Variants in DMBX1 observed in about 807,000 individuals in gnomAD.
DMBX1 encodes diencephalon/mesencephalon homeobox 1.
A neutral mutation model predicts 30.4 loss-of-function variants in DMBX1; 7 were observed. That is an observed-to-expected ratio of 0.23 (90% CI 0.13 to 0.43). The LOEUF is 0.43. DMBX1 is among the 20% of genes least tolerant of loss of function. DMBX1 has a pLI of 1.00. For missense variants in DMBX1, 460 were observed against 508.5 expected (o/e 0.90, Z 0.92); for synonymous variants, 222 against 214.2 (o/e 1.04, Z -0.32).
intron 2 of DMBX1, among the ~76,000 whole-genome samples, chr1:46,504,454 C>G (rs1666193852): frequency 6.6e-6 from 1 of 150,690 alleles, no homozygotes; most frequent in Admixed American, 6.6e-5. Flanking sequence ...TTTCCCAGCA[C>G]CATTTATTAA....
In DMBX1 at chr1:46,515,665, G is replaced by A. The variant is rs565558283; in HGVS notation, c.*3171G>A. Among the ~76,000 whole-genome samples, 5 of 152,334 alleles carry A rather than the reference G, an allele frequency of 3.3e-5. No individual in the cohort carries two copies. In the South Asian group the frequency reaches 8.3e-4, roughly 25 times the overall value. On this transcript the variant is annotated 3_prime_UTR_variant, in exon 6 of 6. Transcript: ENST00000360032. ...GTCTCCTCCAAGCACACTGGTAAGCGGCACCGTGCATCTCCTCTGAGCACG... is the reference window on the plus strand; with the variant it reads ...GTCTCCTCCAAGCACACTGGTAAGCAGCACCGTGCATCTCCTCTGAGCACG...
In DMBX1 at chr1:46,510,399, C is replaced by T; in HGVS notation, c.155-77C>T. ...CCTGGGTGTCCACAGTGGGTCAGAG[C>T]AGGATAAGATTCAAAGCTATTTCCC... is the stretch of plus-strand genomic sequence containing the variant. On this transcript the variant is annotated intron_variant, in intron 3 of 5. Transcript: ENST00000360032. The surrounding 1 kb of genome is among the most constrained non-coding windows in gnomAD (Gnocchi z 4.1). 1 of 1,522,726 alleles carries T rather than the reference C, an allele frequency of 6.6e-7. No homozygotes were observed. The highest frequency in any genetic ancestry group is 1.4e-5 in the African/African-American group (1 of 73,496). 94.3% of individuals were successfully genotyped at this position (1,522,726 alleles called of 1,614,324 possible). A position where few individuals can be genotyped will look rare whatever the true frequency, so the allele number is the denominator to read the frequency against.
chr1:46,507,267 A>G, intron 3 of DMBX1, 103 bp downstream of exon 3: 12 of 1,449,208 alleles, frequency 8.3e-6, no homozygotes, highest in South Asian at 1.4e-5. Flanking sequence ...AGCTTGTTCT[A>G]GGGGGCTCAA....
At position 46,511,033 on chromosome 1, in the gene DMBX1, G is replaced by A. The variant is rs764593566; in HGVS notation, c.432G>A (p.Gly144=). ...AGAAGGAGGCTGAGGGCTCCCATGG[G>A]GAAGGCAAGGCCGAGGCCCCCACTC... ...QKQKEAEGSH[G]EGKAEAPTPD... The change falls in exon 5 of 6, where the codon GGG becomes GGA. Residue 144 remains glycine, a synonymous_variant. Transcript: ENST00000360032. The A allele has an allele frequency of 3.7e-6, 6 of 1,614,092 alleles. No individual in the cohort carries two copies. The highest frequency in any genetic ancestry group is 2.2e-5 in the East Asian group (1 of 44,880).
rs1047530061 is a variant in DMBX1 at position 46,491,051 on chromosome 1, G to A, written c.-13+268G>A. Among the ~76,000 whole-genome samples the A allele has an allele frequency of 1.3e-5, 2 of 152,230 alleles. No homozygotes were observed. Among genetic ancestry groups the A allele is most frequent in the African/African-American group, 2.4e-5 (1 of 41,456 alleles). ...GCCCTGATGGACTGTGCAGGGTCCC[G>A]GGCACCACCGGCTGAACTTTCTGGC... On this transcript the variant is annotated intron_variant, in intron 2 of 5. Transcript: ENST00000360032. The surrounding 1 kb of genome is among the most constrained non-coding windows in gnomAD (Gnocchi z 5.5).
At chr1:46,500,009 C>A (rs1165154197) in intron 2 of DMBX1, among the ~76,000 whole-genome samples, 3 of 152,094 alleles carry the variant, frequency 2.0e-5, no homozygotes, top group Admixed American at 1.3e-4. Context: ...TTGGGGAAGG[C>A]CCCATTTCTG....
Position 46,511,156 on chromosome 1 carries a change from G to A in DMBX1, c.555G>A (p.Glu185=), listed in dbSNP as rs114333846. Residue 185 remains glutamate (E), a synonymous_variant, in exon 5 of 6, where the codon GAG becomes GAA. Coordinates refer to ENST00000360032, the MANE Select transcript of DMBX1 (RefSeq NM_172225.2). ...GTCTGTCTGAGCAGTCAGCCAGTGA[G>A]TCAGCCCCCGAGGATCAGCCGGACC... ...HLSLSEQSAS[E]SAPEDQPDRE... 111 of 1,613,944 alleles carry A rather than the reference G, an allele frequency of 6.9e-5. No individual in the cohort carries two copies. The African/African-American group carries it at 1.3e-3, about 18-fold the overall frequency.
At chr1:46,494,588 C>G (rs1473834717) in intron 2 of DMBX1, among the ~76,000 whole-genome samples, 1 of 152,188 alleles carries the variant, frequency 6.6e-6, no homozygotes, top group Non-Finnish European at 1.5e-5. Context: ...CACCGGGACC[C>G]TGGAACTCTC....
At chr1:46,501,405 C>G (rs560221604) in intron 2 of DMBX1, among the ~76,000 whole-genome samples, 54 of 151,732 alleles carry the variant, frequency 3.6e-4, no homozygotes, top group Non-Finnish European at 5.6e-4. Flanking sequence ...CCCAGCCTCC[C>G]GAGTAGCTGG....
chr1:46,512,441 C>T lies in DMBX1; in HGVS notation c.1081C>T (p.Leu361Phe). 2 of 1,613,816 alleles carry T rather than the reference C, an allele frequency of 1.2e-6. No homozygotes were observed. Among genetic ancestry groups the T allele is most frequent in the Non-Finnish European group, 1.7e-6 (2 of 1,179,934 alleles). Residue 361 changes from leucine (L) to phenylalanine (F), a missense_variant, in exon 6 of 6, where the codon CTC (leucine) becomes TTC (phenylalanine). Transcript: ENST00000360032. This position sits in a 1 kb window ranked among gnomAD's most constrained non-coding sequence, Gnocchi z 4.8. ...AACCACAAGCATCGAGAACCTGCGG[C>T]TCCGGGCCAAGCAGCACGCGGCCTC... ...SKTTSIENLRLRAKQHAASLG... is the reference protein window; with the variant it reads ...SKTTSIENLRFRAKQHAASLG...
In DMBX1 at chr1:46,512,222, C is replaced by G. The variant is rs549969826; in HGVS notation, c.862C>G (p.Pro288Ala). The G allele has an allele frequency of 6.2e-7, 1 of 1,613,888 alleles. No homozygotes were observed. The highest frequency in any genetic ancestry group is 1.3e-5 in the African/African-American group (1 of 74,906). The change falls in exon 6 of 6, where the codon CCT (proline) becomes GCT (alanine). Residue 288 changes from proline (P) to alanine (A), a missense_variant. Physicochemically the swap from Pro to Ala is conservative, Grantham distance 27. Around this residue, in one of 3 missense-constraint regions of DMBX1, gnomAD observed 334 missense variants for 345.1 expected, o/e 0.97. Coordinates refer to ENST00000360032, the MANE Select transcript of DMBX1 (RefSeq NM_172225.2). The surrounding 1 kb of genome is among the most constrained non-coding windows in gnomAD (Gnocchi z 4.8). ...YSSFEVGGPA[P>A]AAAAAAAAVP... Reference sequence around the variant, plus strand: ...GTCCTTCGAAGTAGGGGGTCCGGCCCCTGCTGCTGCAGCGGCGGCTGCTGC... The same window carrying G: ...GTCCTTCGAAGTAGGGGGTCCGGCCGCTGCTGCTGCAGCGGCGGCTGCTGC...
chr1:46,512,292 A>T lies in DMBX1; in HGVS notation c.932A>T (p.His311Leu), dbSNP rs762944858. Residue 311 changes from histidine to leucine, a missense_variant, in exon 6 of 6, where the codon CAC becomes CTC. Physicochemically the swap from His to Leu is moderately conservative, Grantham distance 99. Around this residue, in one of 3 missense-constraint regions of DMBX1, gnomAD observed 334 missense variants for 345.1 expected, o/e 0.97. Transcript: ENST00000360032. This position sits in a 1 kb window ranked among gnomAD's most constrained non-coding sequence, Gnocchi z 4.8. ...AACATGGCCCCGCTGGGCTCACTGC[A>T]CTGCCAGTCCTACTACCAGTCCCTG... ...GVNMAPLGSL[H>L]CQSYYQSLSA... The T allele has an allele frequency of 2.5e-6, 4 of 1,613,518 alleles. No homozygotes were observed. The South Asian group carries it at 4.4e-5, about 18-fold the overall frequency.
At chr1:46,492,822 A>G (rs1665954204) in intron 2 of DMBX1, among the ~76,000 whole-genome samples, 3 of 152,166 alleles carry the variant, frequency 2.0e-5, no homozygotes, top group Admixed American at 2.0e-4. Context: ...CCTCTGATAG[A>G]CACAGTTCCA....
At chr1:46,506,246 C>T (rs1309347852) in intron 2 of DMBX1, among the ~76,000 whole-genome samples, 2 of 152,058 alleles carry the variant, frequency 1.3e-5, no homozygotes, top group African/African-American at 4.8e-5. Context: ...TTAGTAGAAA[C>T]GAGGTTTCAC....
intron 5 of DMBX1, among the ~76,000 whole-genome samples, chr1:46,511,594 T>C (rs1048495925): frequency 6.6e-6 from 1 of 152,174 alleles, no homozygotes; most frequent in Non-Finnish European, 1.5e-5. Context: ...ACTGGGCGAA[T>C]ACTGTATTAG....
chr1:46,492,127 G>A (rs1242090505), intron 2 of DMBX1, among the ~76,000 whole-genome samples: 1 of 152,220 alleles, frequency 6.6e-6, no homozygotes. Flanking sequence ...GAAAGGCAGA[G>A]GTGCAGAGGA....
intron 3 of DMBX1, among the ~76,000 whole-genome samples, chr1:46,507,613 C>T (rs879864272): frequency 5.3e-5 from 8 of 152,204 alleles, no homozygotes; most frequent in Non-Finnish European, 8.8e-5. Flanking sequence ...GTGGGAGTCT[C>T]TCTCTTTCTG....
In DMBX1 at chr1:46,510,286, G is replaced by T. The variant is rs1666336930; in HGVS notation, c.155-190G>T. The stretch of plus-strand genomic sequence containing the variant: ...CTGTGGTCCTGATAGTGCATAATGG[G>T]GTGGAGAGACCTTGAAAGCCCACAG... On this transcript the variant is annotated intron_variant, in intron 3 of 5. Transcript: ENST00000360032. The surrounding 1 kb of genome is among the most constrained non-coding windows in gnomAD (Gnocchi z 4.1). Among the ~76,000 whole-genome samples the T allele has an allele frequency of 6.6e-6, 1 of 152,126 alleles. No homozygotes were observed. The highest frequency in any genetic ancestry group is 1.5e-5 in the Non-Finnish European group (1 of 68,022).
intron 2 of DMBX1, among the ~76,000 whole-genome samples, chr1:46,501,468 A>C (rs1291756284): frequency 6.6e-6 from 1 of 151,378 alleles, no homozygotes; most frequent in Non-Finnish European, 1.5e-5. Flanking sequence ...TTATTAGTAG[A>C]GGTGGGGTTT....
Sources: gnomAD v4.1 joint callset for allele counts (sites outside exome capture counted in the v4.1 genomes callset) on GRCh38, gnomAD v4.1.1 for gene constraint, gnomAD v4.1.1 regional missense constraint, Gnocchi (gnomAD v3.1) non-coding constraint, MANE v1.5 for transcripts, NCBI Gene and HGNC (gene_info 2026-07-23, HGNC 2026-07-21) for gene names.